MAN1A2: variants seen among roughly 807,000 people sequenced by gnomAD.
The protein encoded by MAN1A2 is mannosyl-oligosaccharide 1,2-alpha-mannosidase IB.
In MAN1A2, 26 loss-of-function variants were observed where a neutral mutation model predicts 75.7. That is an observed-to-expected ratio of 0.34 (90% CI 0.25 to 0.48). MAN1A2 has a LOEUF of 0.48. Among genes scored for constraint, MAN1A2 ranks in the 20% least tolerant of loss-of-function variants. The probability of loss-of-function intolerance (pLI) is 0.99; values close to 1 mark genes in which losing one functional copy is unlikely to be tolerated. For synonymous variants in MAN1A2, 247 were observed against 264.6 expected (o/e 0.93, Z 0.65); for missense variants, 562 against 775.5 (o/e 0.72, Z 3.27).
At position 117,522,769 on chromosome 1, in the gene MAN1A2, C is replaced by T; in HGVS notation, c.1794-56C>T. On this transcript the variant is annotated intron_variant, in intron 12 of 12. Coordinates refer to ENST00000356554, the MANE Select transcript of MAN1A2 (RefSeq NM_006699.5). The stretch of plus-strand genomic sequence containing the variant: ...TTCTGTGCCATTAAAAGTGAGCTCA[C>T]TTCATGTTCTTGTTGAATTCTAACT... The T allele has an allele frequency of 2.6e-6, 4 of 1,533,966 alleles. No individual in the cohort carries two copies. In the South Asian group the frequency reaches 4.6e-5, roughly 18 times the overall value.
In MAN1A2 at chr1:117,466,443, T is replaced by G; in HGVS notation, c.1168+16T>G. 1 of 1,470,984 alleles carries G rather than the reference T, an allele frequency of 6.8e-7. No individual in the cohort carries two copies. The highest frequency in any genetic ancestry group is 1.2e-5 in the South Asian group (1 of 82,170). 91.1% of individuals were successfully genotyped at this position (1,470,984 alleles called of 1,614,324 possible). A position where few individuals can be genotyped will look rare whatever the true frequency, so the allele number is the denominator to read the frequency against. On this transcript the variant is annotated intron_variant, in intron 8 of 12. Transcript: ENST00000356554. ...TGGGGTCAGTGTAAGTATTCTAGTA[T>G]ACCTGAGGCTTTCTTAAAAAATTAT...
At chr1:117,460,635 C>A in intron 7 of MAN1A2, 23 bp downstream of exon 7, 1 of 1,588,936 alleles carries the variant, frequency 6.3e-7, no homozygotes. Flanking sequence ...GCCTTCTATT[C>A]TTTGTTTGTT....
chr1:117,427,093 A>G (rs929639680), intron 5 of MAN1A2, among the ~76,000 whole-genome samples: 1 of 152,200 alleles, frequency 6.6e-6, no homozygotes, highest in Non-Finnish European at 1.5e-5. Flanking sequence ...AAAGCCTATC[A>G]ATCACAGTGA....
intron 3 of MAN1A2, among the ~76,000 whole-genome samples, chr1:117,410,004 A>G (rs748976095): frequency 5.3e-5 from 8 of 151,960 alleles, no homozygotes; most frequent in Non-Finnish European, 1.0e-4. Context: ...ATAGTATATA[A>G]TATTTGCATA....
At chr1:117,466,922 T>C (rs1649999010) in intron 8 of MAN1A2, among the ~76,000 whole-genome samples, 1 of 152,094 alleles carries the variant, frequency 6.6e-6, no homozygotes, top group Non-Finnish European at 1.5e-5. Flanking sequence ...AGAAAGAACA[T>C]AGGGCTTGGC....
intron 5 of MAN1A2, among the ~76,000 whole-genome samples, chr1:117,431,521 A>G (rs959003470): frequency 6.6e-6 from 1 of 152,182 alleles, no homozygotes; most frequent in Non-Finnish European, 1.5e-5. Flanking sequence ...AAATGAATTG[A>G]TATTTATTTA....
At chr1:117,395,846 C>CT (rs554368464) in intron 1 of MAN1A2, among the ~76,000 whole-genome samples, 196 of 152,336 alleles carry the variant, frequency 1.3e-3, no homozygotes, top group African/African-American at 4.5e-3. Flanking sequence ...AGACCACCCT[C>CT]TGGCTTGATA....
chr1:117,492,003 G>A (rs954378395), intron 8 of MAN1A2, among the ~76,000 whole-genome samples: 2 of 152,104 alleles, frequency 1.3e-5, no homozygotes, highest in African/African-American at 4.8e-5. Flanking sequence ...ATGGTTTCTT[G>A]AGATGGAATC....
chr1:117,466,980 A>G (rs1393195204), intron 8 of MAN1A2, among the ~76,000 whole-genome samples: 18 of 152,156 alleles, frequency 1.2e-4, no homozygotes. Context: ...ATGTTACTGT[A>G]CAGGAAGGAA....
In MAN1A2 at chr1:117,525,058, G is replaced by T. The variant is rs763154954; in HGVS notation, c.*2101G>T. 2 of 509,712 alleles carry T rather than the reference G, an allele frequency of 3.9e-6. No homozygotes were observed. Among genetic ancestry groups the T allele is most frequent in the South Asian group, 1.5e-5 (1 of 67,358 alleles). The allele number at this position is 509,712 out of a possible 1,614,324, so 31.6% of individuals were successfully genotyped here. A position where few individuals can be genotyped will look rare whatever the true frequency, so the allele number is the denominator to read the frequency against. On this transcript the variant is annotated 3_prime_UTR_variant, in exon 13 of 13. Coordinates refer to ENST00000356554, the MANE Select transcript of MAN1A2 (RefSeq NM_006699.5). ...TCTCTTTTACCTTATTTAGAAGAATGCAGAGTAAAGGGACCTTCTTGGTTC... is the reference window on the plus strand; with the variant it reads ...TCTCTTTTACCTTATTTAGAAGAATTCAGAGTAAAGGGACCTTCTTGGTTC...
intron 5 of MAN1A2, among the ~76,000 whole-genome samples, chr1:117,436,848 A>G (rs1003413327): frequency 6.6e-6 from 1 of 152,232 alleles, no homozygotes; most frequent in African/African-American, 2.4e-5. Flanking sequence ...AAAGCCTTTT[A>G]TCTCTGACCC....
intron 5 of MAN1A2, among the ~76,000 whole-genome samples, chr1:117,423,040 A>C (rs1431778194): frequency 2.0e-5 from 3 of 152,158 alleles, no homozygotes; most frequent in Non-Finnish European, 4.4e-5. Context: ...TTATAGCTTT[A>C]CTTTATTTGT....
chr1:117,370,317 G>A (rs1186910996), intron 1 of MAN1A2, among the ~76,000 whole-genome samples: 1 of 152,162 alleles, frequency 6.6e-6, no homozygotes, highest in Non-Finnish European at 1.5e-5. Context: ...GATAGCAAGT[G>A]ATACATGTGA....
intron 8 of MAN1A2, among the ~76,000 whole-genome samples, chr1:117,479,296 A>G (rs764518140): frequency 2.6e-5 from 4 of 151,894 alleles, no homozygotes; most frequent in Admixed American, 1.3e-4. Flanking sequence ...TTATGGCTGA[A>G]TAGTATTCCA....
At chr1:117,486,749 A>G (rs1490787527) in intron 8 of MAN1A2, among the ~76,000 whole-genome samples, 2 of 152,012 alleles carry the variant, frequency 1.3e-5, no homozygotes, top group Non-Finnish European at 2.9e-5. Flanking sequence ...ATTTCCAATT[A>G]ATGAGCGTTT....
intron 2 of MAN1A2, among the ~76,000 whole-genome samples, chr1:117,403,582 G>A (rs1258100550): frequency 2.0e-5 from 3 of 152,240 alleles, no homozygotes; most frequent in South Asian, 2.1e-4. Flanking sequence ...AAGTACCCAC[G>A]GAACTCAGCA....
chr1:117,473,837 C>G (rs540331573), intron 8 of MAN1A2, among the ~76,000 whole-genome samples: 4 of 151,986 alleles, frequency 2.6e-5, no homozygotes, highest in South Asian at 4.2e-4. Context: ...ACCGAGTGGT[C>G]CATATTTTCT....
At chr1:117,450,295 TGAG>T (rs1486469028) in intron 6 of MAN1A2, among the ~76,000 whole-genome samples, 2 of 152,134 alleles carry the variant, frequency 1.3e-5, no homozygotes, top group Non-Finnish European at 2.9e-5. Context: ...GCCTTGAACT[TGAG>T]AGAGATGATC....
chr1:117,526,926 A>G lies in MAN1A2; in HGVS notation c.*3969A>G, dbSNP rs1209852637. On this transcript the variant is annotated 3_prime_UTR_variant, in exon 13 of 13. Transcript: ENST00000356554. ...TATATATATGAGAGATATATGAGAT[A>G]TATGAGAGATCAAGATCTATATATG... The G allele has an allele frequency of 6.9e-6, 1 of 144,128 alleles. No homozygotes were observed. The highest frequency in any genetic ancestry group is 1.5e-5 in the Non-Finnish European group (1 of 66,260). 8.9% of individuals were successfully genotyped at this position (144,128 alleles called of 1,614,324 possible). A position where few individuals can be genotyped will look rare whatever the true frequency, so the allele number is the denominator to read the frequency against.
Sources: gnomAD v4.1 joint callset for allele counts (sites outside exome capture counted in the v4.1 genomes callset) on GRCh38, gnomAD v4.1.1 for gene constraint, MANE v1.5 for transcripts, NCBI Gene and HGNC (gene_info 2026-07-23, HGNC 2026-07-21) for gene names.